WDFY3: variants seen among roughly 807,000 people sequenced by gnomAD.
WDFY3 encodes the protein WD repeat and FYVE domain-containing protein 3.
Under a neutral mutation model 409.6 loss-of-function variants are expected in WDFY3, and 66 were observed. The ratio of observed to expected loss-of-function variants is 0.16; its 90% CI spans 0.13 to 0.20. The LOEUF is 0.20. WDFY3 is among the 10% of genes least tolerant of loss of function. WDFY3 has a pLI of 1.00. For synonymous variants in WDFY3, 1,521 were observed against 1,537.1 expected (o/e 0.99, Z 0.25); for missense variants, 3,031 against 4,298.1 (o/e 0.71, Z 8.24).
chr4:84,689,764 G>T (rs917575300), intron 61 of WDFY3, among the ~76,000 whole-genome samples: 2 of 152,162 alleles, frequency 1.3e-5, no homozygotes, highest in African/African-American at 4.8e-5. Context: ...CTACCTTGTA[G>T]AATTGTGTCG....
chr4:84,680,603 C>T (rs1224971915), intron 64 of WDFY3, among the ~76,000 whole-genome samples: 2 of 152,196 alleles, frequency 1.3e-5, no homozygotes, highest in African/African-American at 4.8e-5. Flanking sequence ...AACAAGTATA[C>T]CTGGCCCTCC....
At chr4:84,919,921 C>T (rs969510743) in intron 2 of WDFY3, among the ~76,000 whole-genome samples, 1 of 151,978 alleles carries the variant, frequency 6.6e-6, no homozygotes, top group African/African-American at 2.4e-5. Flanking sequence ...CACAAATGAA[C>T]GGCAGAACAG....
intron 33 of WDFY3, among the ~76,000 whole-genome samples, chr4:84,756,249 GGT>G (rs1389199868): frequency 3.9e-5 from 6 of 151,962 alleles, no homozygotes; most frequent in Admixed American, 3.9e-4. Context: ...TTTAATTTAT[GGT>G]ATATAAGCCA....
chr4:84,936,794 C>T lies in WDFY3; in HGVS notation c.-225-4431G>A, dbSNP rs183788725. ...AATCAGAAGAGAACTTCCAGAATCT[C>T]TCATGACATTTACCTCCCCACCTGA... On this transcript the variant is annotated intron_variant, in intron 1 of 67. Coordinates refer to ENST00000295888, the MANE Select transcript of WDFY3 (RefSeq NM_014991.6). 2.0e-5 allele frequency among the ~76,000 whole-genome samples: 3 copies of T among 152,130 alleles called. No individual in the cohort carries two copies. In the East Asian group the frequency reaches 5.8e-4, roughly 29 times the overall value.
At chr4:84,738,203 A>AT (rs1560630450) in intron 40 of WDFY3, among the ~76,000 whole-genome samples, 1 of 152,164 alleles carries the variant, frequency 6.6e-6, no homozygotes, top group East Asian at 1.9e-4. Flanking sequence ...CACCAGAGTG[A>AT]TTTCTCTTTA....
intron 64 of WDFY3, 33 bp from the exon 65 acceptor site, chr4:84,679,275 G>A (rs756344868): frequency 6.9e-6 from 10 of 1,453,684 alleles, no homozygotes; most frequent in East Asian, 2.5e-5. Context: ...TGGAACATAC[G>A]GAACCATCAA....
Position 84,691,716 on chromosome 4 carries a change from A to G in WDFY3, c.9119T>C (p.Val3040Ala). The change falls in exon 60 of 68, where the codon GTT becomes GCT. Residue 3040 changes from valine (V) to alanine (A), a missense_variant. Val to Ala is a moderately conservative substitution (Grantham distance 64, BLOSUM62 0). Transcript: ENST00000295888. Reference protein sequence around the residue: ...KGILAVEQNKVLIPPTWNKTF... With the variant: ...KGILAVEQNKALIPPTWNKTF... ...TTTATTCCAGGTTGGTGGGATAAGAACCTTATTCTGTTCCACCGCAAGAAT... is the reference window on the plus strand; with the variant it reads ...TTTATTCCAGGTTGGTGGGATAAGAGCCTTATTCTGTTCCACCGCAAGAAT... 1 of 1,614,122 alleles carries G rather than the reference A, an allele frequency of 6.2e-7. No individual in the cohort carries two copies. Among genetic ancestry groups the G allele is most frequent in the Non-Finnish European group, 8.5e-7 (1 of 1,179,974 alleles).
Position 84,696,805 on chromosome 4 carries a change from G to C in WDFY3, c.8615C>G (p.Thr2872Ser). 6.2e-7 allele frequency: 1 copy of C among 1,613,538 alleles called. No homozygotes were observed. The highest frequency in any genetic ancestry group is 8.5e-7 in the Non-Finnish European group (1 of 1,179,786). ...NFDLGCKQNG[T>S]KLGDVILPPW... Reference sequence around the variant, plus strand: ...TGGAAGGATAACATCTCCAAGCTTGGTGCCATTTTGTTTACAGCCTATGCA... The same window carrying C: ...TGGAAGGATAACATCTCCAAGCTTGCTGCCATTTTGTTTACAGCCTATGCA... The change falls in exon 57 of 68, where the codon ACC becomes AGC. Residue 2872 changes from threonine to serine, a missense_variant. Physicochemically the swap from Thr to Ser is moderately conservative, Grantham distance 58. Around this residue, in one of 16 missense-constraint regions of WDFY3, gnomAD observed 129 missense variants for 305.3 expected, o/e 0.42. Coordinates refer to ENST00000295888, the MANE Select transcript of WDFY3 (RefSeq NM_014991.6).
chr4:84,837,847 C>A (rs1289434175), intron 6 of WDFY3, among the ~76,000 whole-genome samples: 1 of 152,098 alleles, frequency 6.6e-6, no homozygotes, highest in Non-Finnish European at 1.5e-5. Flanking sequence ...TATTGAGTGT[C>A]CAGGGAATGT....
At chr4:84,918,806 TGTGTGTGTGTATATATATATAG>T (rs1209547596) in intron 2 of WDFY3, among the ~76,000 whole-genome samples, 1 of 136,066 alleles carries the variant, frequency 7.3e-6, no homozygotes, top group Non-Finnish European at 1.6e-5. Flanking sequence ...CGCATATTTG[TGTGTGTGTGTATATATATATAG>T]ATATATATAT....
At chr4:84,712,755 A>G (rs1476923670) in intron 51 of WDFY3, among the ~76,000 whole-genome samples, 1 of 152,150 alleles carries the variant, frequency 6.6e-6, no homozygotes, top group Non-Finnish European at 1.5e-5. Flanking sequence ...GATAAAGATG[A>G]AATATCCAAA....
chr4:84,839,059 C>T lies in WDFY3; in HGVS notation c.415-1969G>A, dbSNP rs1017825696. On this transcript the variant is annotated intron_variant, in intron 6 of 67. Transcript: ENST00000295888. The stretch of plus-strand genomic sequence containing the variant: ...GTATCTATTTCCAGATAGATTATTA[C>T]TAGGTTTAGCTGGCCACTAAGCAAA... Among the ~76,000 whole-genome samples the T allele has an allele frequency of 3.9e-5, 6 of 152,210 alleles. No individual in the cohort carries two copies. The East Asian group carries it at 9.7e-4, about 25-fold the overall frequency.
At chr4:84,965,060 G>T (rs1775455557) in intron 1 of WDFY3, among the ~76,000 whole-genome samples, 1 of 151,966 alleles carries the variant, frequency 6.6e-6, no homozygotes, top group African/African-American at 2.4e-5. Context: ...TTTTTTTAAA[G>T]TCGGATTTTT....
At chr4:84,944,626 C>T (rs1217808783) in intron 1 of WDFY3, among the ~76,000 whole-genome samples, 3 of 150,486 alleles carry the variant, frequency 2.0e-5, no homozygotes, top group African/African-American at 7.3e-5. Context: ...GAGTTCAAGG[C>T]CAGCCTGGTC....
At chr4:84,788,577 A>G (rs896530230) in intron 22 of WDFY3, among the ~76,000 whole-genome samples, 1 of 152,224 alleles carries the variant, frequency 6.6e-6, no homozygotes, top group Non-Finnish European at 1.5e-5. Flanking sequence ...CTATTCCACA[A>G]GGTGCATTTT....
chr4:84,757,946 G>A (rs1290568572), intron 32 of WDFY3, among the ~76,000 whole-genome samples: 1 of 152,206 alleles, frequency 6.6e-6, no homozygotes, highest in Non-Finnish European at 1.5e-5. Flanking sequence ...TGTGGCTGCA[G>A]CTATCCACTG....
At chr4:84,770,164 G>T (rs923213663) in intron 30 of WDFY3, among the ~76,000 whole-genome samples, 1 of 151,760 alleles carries the variant, frequency 6.6e-6, no homozygotes, top group African/African-American at 2.4e-5. Flanking sequence ...GAGTAGCTGG[G>T]ACCACAGGCG....
At chr4:84,781,356 A>T (rs1345916397) in intron 25 of WDFY3, among the ~76,000 whole-genome samples, 1 of 151,382 alleles carries the variant, frequency 6.6e-6, no homozygotes, top group African/African-American at 2.4e-5. Flanking sequence ...TGTGCTCTGC[A>T]GTATTCACAA....
intron 29 of WDFY3, among the ~76,000 whole-genome samples, chr4:84,774,126 G>A (rs1373933011): frequency 6.6e-6 from 1 of 152,218 alleles, no homozygotes; most frequent in Non-Finnish European, 1.5e-5. Flanking sequence ...ATAAATGGGT[G>A]TGATTTCACC....
Sources: gnomAD v4.1 joint callset for allele counts (sites outside exome capture counted in the v4.1 genomes callset) on GRCh38, gnomAD v4.1.1 for gene constraint, gnomAD v4.1.1 regional missense constraint, MANE v1.5 for transcripts, NCBI Gene and HGNC (gene_info 2026-07-23, HGNC 2026-07-21) for gene names.